The following NPIPB2 variants were observed in gnomAD, a reference collection of about 807,000 sequenced individuals.
The protein encoded by NPIPB2 is nuclear pore complex-interacting protein family member B2.
NPIPB2 carries 27 observed loss-of-function variants against 30.8 expected under a neutral mutation model. That is an observed-to-expected ratio of 0.88 (90% CI 0.65 to 1.21). NPIPB2 has a LOEUF of 1.21. Ranked by LOEUF, NPIPB2 falls within the 50% of genes most tolerant of loss-of-function variation. The pLI, the probability that NPIPB2 is intolerant of heterozygous loss-of-function variation, is 0.00. For missense variants in NPIPB2, 440 were observed against 446.2 expected (o/e 0.99, Z 0.13); for synonymous variants, 147 against 162.0 (o/e 0.91, Z 0.70).
At position 11,975,314 on chromosome 16, in the gene NPIPB2, A is replaced by AT. The variant is rs1483840931; in HGVS notation, c.-584+1253dup. 9.3e-5 allele frequency among the ~76,000 whole-genome samples: 13 copies of AT among 139,166 alleles called. No homozygotes were observed. The East Asian group carries it at 1.6e-3, about 17-fold the overall frequency. 91.3% of individuals were successfully genotyped at this position (139,166 alleles called of 152,430 possible). A position where few individuals can be genotyped will look rare whatever the true frequency, so the allele number is the denominator to read the frequency against. ...AGGCGCCCGCCACTACGCCCGGCTA[A>AT]TTTTTTGTATTTTTAGTAGAGACGG... On this transcript the variant is annotated intron_variant, in intron 1 of 5. Coordinates refer to the NPIPB2 transcript ENST00000538896.
At chr16:11,951,350 G>C (rs74545784) in intron 1 of NPIPB2, among the ~76,000 whole-genome samples, 12,971 of 147,786 alleles carry the variant, frequency 0.088, 886 homozygotes, top group Admixed American at 0.19. Context: ...TGTAGTCCCA[G>C]CTACTCGGGA....
chr16:11,974,856 G>A (rs1057217846), intron 1 of NPIPB2, among the ~76,000 whole-genome samples: 1 of 151,934 alleles, frequency 6.6e-6, no homozygotes, highest in Admixed American at 6.6e-5. Context: ...GGTGAATCAC[G>A]AGGTCAGGAG....
intron 1 of NPIPB2, among the ~76,000 whole-genome samples, chr16:11,975,906 C>A (rs893272912): frequency 1.3e-5 from 2 of 151,688 alleles, no homozygotes; most frequent in Non-Finnish European, 1.5e-5. Flanking sequence ...GGAGCCATAT[C>A]TTAAAACCTA....
chr16:11,965,306 T>C, intron 1 of NPIPB2: 1 of 1,614,022 alleles, frequency 6.2e-7, no homozygotes, highest in Non-Finnish European at 8.5e-7. Flanking sequence ...TGTAGCTCCC[T>C]TGTTTTCTTT....
At chr16:11,938,253 T>C (rs1166800950) in intron 1 of NPIPB2, among the ~76,000 whole-genome samples, 12 of 152,174 alleles carry the variant, frequency 7.9e-5, no homozygotes, top group East Asian at 5.8e-4. Context: ...TCCTGACAGG[T>C]GATCTGCCTG....
chr16:11,975,981 A>C (rs974373134), intron 1 of NPIPB2, among the ~76,000 whole-genome samples: 1 of 151,714 alleles, frequency 6.6e-6, no homozygotes, highest in African/African-American at 2.4e-5. Flanking sequence ...GCGTCTCGCT[A>C]CGTTGCCCAG....
At chr16:11,975,154 T>C (rs2055267919) in intron 1 of NPIPB2, among the ~76,000 whole-genome samples, 1 of 72,220 alleles carries the variant, frequency 1.4e-5, no homozygotes. Flanking sequence ...TTTTTTTTTT[T>C]TTTTTTTTTT....
intron 3 of NPIPB2, 37 bp from the exon 4 acceptor site, chr16:11,933,749 T>C (rs1158050638): frequency 3.8e-6 from 6 of 1,596,124 alleles, no homozygotes; most frequent in South Asian, 1.1e-5. Context: ...GTGAGAAACC[T>C]GAGGGCAAGA....
At chr16:11,959,324 G>A (rs1157360901) in intron 1 of NPIPB2, among the ~76,000 whole-genome samples, 1 of 152,086 alleles carries the variant, frequency 6.6e-6, no homozygotes, top group African/African-American at 2.4e-5. Context: ...GCTCACACCT[G>A]TAATCCCAGC....
intron 1 of NPIPB2, among the ~76,000 whole-genome samples, chr16:11,938,558 T>C (rs917087030): frequency 1.3e-5 from 2 of 151,768 alleles, no homozygotes; most frequent in African/African-American, 4.8e-5. Context: ...CTCAAACTCC[T>C]GACCTCAGGT....
At chr16:11,949,680 G>C (rs374596300) in intron 1 of NPIPB2, among the ~76,000 whole-genome samples, 1 of 152,188 alleles carries the variant, frequency 6.6e-6, no homozygotes, top group Non-Finnish European at 1.5e-5. Context: ...TTGAGCCCTG[G>C]CTCACCTGAG....
chr16:11,930,403 T>C, intron 5 of NPIPB2, 47 bp downstream of exon 5: 1 of 1,495,738 alleles, frequency 6.7e-7, no homozygotes, highest in South Asian at 1.2e-5. Flanking sequence ...AAAACAACAC[T>C]CCAATGGGCG....
At chr16:11,958,514 G>C (rs887780920) in intron 1 of NPIPB2, among the ~76,000 whole-genome samples, 2 of 152,012 alleles carry the variant, frequency 1.3e-5, no homozygotes, top group Admixed American at 6.6e-5. Context: ...TGGATGGCTT[G>C]AGTCTAGGAG....
At chr16:11,934,643 A>G (rs1479981722) in intron 2 of NPIPB2, among the ~76,000 whole-genome samples, 6 of 151,768 alleles carry the variant, frequency 4.0e-5, no homozygotes, top group Non-Finnish European at 7.4e-5. Flanking sequence ...GGTGAATCAC[A>G]AGGTCAAGAG....
At chr16:11,935,285 C>G (rs545270598) in intron 2 of NPIPB2, among the ~76,000 whole-genome samples, 1 of 152,222 alleles carries the variant, frequency 6.6e-6, no homozygotes, top group East Asian at 1.9e-4. Flanking sequence ...AGATGTGGGT[C>G]AGATACCTAT....
At chr16:11,950,418 C>A (rs536708336) in intron 1 of NPIPB2, among the ~76,000 whole-genome samples, 1 of 152,234 alleles carries the variant, frequency 6.6e-6, no homozygotes, top group African/African-American at 2.4e-5. Flanking sequence ...AATCCTCTTG[C>A]TGCAGCCCCC....
chr16:11,935,091 C>A (rs1886498209), intron 2 of NPIPB2, among the ~76,000 whole-genome samples: 1 of 139,268 alleles, frequency 7.2e-6, no homozygotes, highest in African/African-American at 2.7e-5. Flanking sequence ...CTGCTCTACT[C>A]AGAGTTCACT....
At chr16:11,957,852 C>A (rs1461774179) in intron 1 of NPIPB2, among the ~76,000 whole-genome samples, 1 of 152,282 alleles carries the variant, frequency 6.6e-6, no homozygotes, top group South Asian at 2.1e-4. Context: ...TTTGGACTTG[C>A]CAGCTCCTAC....
At chr16:11,934,624 G>A (rs2054840442) in intron 2 of NPIPB2, among the ~76,000 whole-genome samples, 1 of 151,718 alleles carries the variant, frequency 6.6e-6, no homozygotes, top group African/African-American at 2.4e-5. Flanking sequence ...ACTTTGGGAG[G>A]CTGAGGTGGG....
Sources: gnomAD v4.1 joint callset for allele counts (sites outside exome capture counted in the v4.1 genomes callset) on GRCh38, gnomAD v4.1.1 for gene constraint, MANE v1.5 for transcripts, NCBI Gene and HGNC (gene_info 2026-07-23, HGNC 2026-07-21) for gene names.